The following SLCO1B1 variants were observed in gnomAD, a reference collection of about 807,000 sequenced individuals.
The protein encoded by SLCO1B1 is solute carrier organic anion transporter family member 1B1.
In SLCO1B1, 81 loss-of-function variants were observed where a neutral mutation model predicts 70.1. The ratio of observed to expected loss-of-function variants is 1.16; its 90% confidence interval spans 0.97 to 1.39. The LOEUF is 1.39. Ranked by LOEUF, SLCO1B1 falls within the 40% of genes most tolerant of loss-of-function variation. The probability of loss-of-function intolerance (pLI) is 0.00; values close to 1 mark genes in which losing one functional copy is unlikely to be tolerated. For missense variants in SLCO1B1, 895 were observed against 799.6 expected (o/e 1.12, Z -1.44); for synonymous variants, 283 against 271.5 (o/e 1.04, Z -0.42).
chr12:21,157,696 G>A (rs1940559959), intron 2 of SLCO1B1, among the ~76,000 whole-genome samples: 1 of 150,864 alleles, frequency 6.6e-6, no homozygotes, highest in Non-Finnish European at 1.5e-5. Context: ...CTGCCTCCCA[G>A]GTTCACGCCA....
In SLCO1B1 at chr12:21,174,720, A is replaced by AG. The variant is rs773775323; in HGVS notation, c.359+11_359+12insG. 11 of 1,512,050 alleles carry AG rather than the reference A, an allele frequency of 7.3e-6. No individual in the cohort carries two copies. The Admixed American group carries it at 1.7e-4, about 24-fold the overall frequency. 93.7% of individuals were successfully genotyped at this position (1,512,050 alleles called of 1,614,324 possible). A position where few individuals can be genotyped will look rare whatever the true frequency, so the allele number is the denominator to read the frequency against. On this transcript the variant is annotated intron_variant, in intron 4 of 14. Coordinates refer to ENST00000256958, the MANE Select transcript of SLCO1B1 (RefSeq NM_006446.5). ...TTTCTTCATGGGATAGTAAGTGTTA[A>AG]AAAAAAAAAAAACCTCTGTGCCACT...
At chr12:21,194,056 G>T (rs1005934018) in intron 7 of SLCO1B1, among the ~76,000 whole-genome samples, 1 of 152,186 alleles carries the variant, frequency 6.6e-6, no homozygotes, top group Non-Finnish European at 1.5e-5. Context: ...CTCCCAAAGT[G>T]CTGGGATTAC....
At chr12:21,154,814 A>G (rs1467780983) in intron 2 of SLCO1B1, among the ~76,000 whole-genome samples, 1 of 152,100 alleles carries the variant, frequency 6.6e-6, no homozygotes, top group East Asian at 1.9e-4. Context: ...AGTATTTTTG[A>G]GGCCTTATAT....
At chr12:21,193,439 A>G (rs1199976889) in intron 7 of SLCO1B1, among the ~76,000 whole-genome samples, 1 of 152,104 alleles carries the variant, frequency 6.6e-6, no homozygotes, top group Admixed American at 6.5e-5. Flanking sequence ...GTATTTCTCT[A>G]TATTTCTCTT....
At chr12:21,132,429 T>C (rs1455372318) in intron 1 of SLCO1B1, among the ~76,000 whole-genome samples, 1 of 152,222 alleles carries the variant, frequency 6.6e-6, no homozygotes, top group Non-Finnish European at 1.5e-5. Flanking sequence ...CCACAATGGT[T>C]GAACTAGTTT....
intron 2 of SLCO1B1, among the ~76,000 whole-genome samples, chr12:21,155,384 T>TTTTGTTCTTA (rs1940529882): frequency 6.6e-6 from 1 of 152,126 alleles, no homozygotes; most frequent in Non-Finnish European, 1.5e-5. Context: ...ACTTGTTCTT[T>TTTTGTTCTTA]TTTGTTATCT....
At chr12:21,193,344 A>G (rs1230086060) in intron 7 of SLCO1B1, among the ~76,000 whole-genome samples, 1 of 152,188 alleles carries the variant, frequency 6.6e-6, no homozygotes, top group Non-Finnish European at 1.5e-5. Context: ...ACTATTTTAT[A>G]TAAGAGACTG....
At chr12:21,175,539 C>A (rs777366390) in intron 4 of SLCO1B1, among the ~76,000 whole-genome samples, 2 of 152,098 alleles carry the variant, frequency 1.3e-5, no homozygotes, top group East Asian at 1.9e-4. Flanking sequence ...AGACAATGAG[C>A]AGTTTCTGTT....
chr12:21,171,056 T>G (rs938720299), intron 2 of SLCO1B1, among the ~76,000 whole-genome samples: 1 of 152,218 alleles, frequency 6.6e-6, no homozygotes, highest in Non-Finnish European at 1.5e-5. Flanking sequence ...TATTCTGCTG[T>G]GGCAATATAA....
intron 10 of SLCO1B1, 144 bp from the exon 11 acceptor site, chr12:21,205,724 A>C: frequency 1.6e-6 from 1 of 624,412 alleles, no homozygotes; most frequent in Non-Finnish European, 2.7e-6. Context: ...TCATCAAAGC[A>C]AATTTCTTCA....
In SLCO1B1 at chr12:21,216,763, T is replaced by C. The variant is rs144568500; in HGVS notation, c.1498-356T>C. ...GCATGTCTCTGAAACTTAGAGATTG[T>C]CCAAAAGAGTATGTGCTCTGCAGAG... On this transcript the variant is annotated intron_variant, in intron 11 of 14. Coordinates refer to ENST00000256958, the MANE Select transcript of SLCO1B1 (RefSeq NM_006446.5). Among the ~76,000 whole-genome samples, 5 of 152,258 alleles carry C rather than the reference T, an allele frequency of 3.3e-5. No homozygotes were observed. The East Asian group carries it at 9.6e-4, about 29-fold the overall frequency.
chr12:21,132,222 A>T lies in SLCO1B1; in HGVS notation c.-62+986A>T, dbSNP rs567698869. 9.2e-5 allele frequency among the ~76,000 whole-genome samples: 14 copies of T among 152,230 alleles called. 1 individual carries two copies. The highest frequency in any genetic ancestry group is 3.3e-4 in the Admixed American group (5 of 15,294). The stretch of plus-strand genomic sequence containing the variant: ...GGTGTATGTGTGCCACATTTTCTTA[A>T]TCCACTCTATCGTTGTTGGACATTT... On this transcript the variant is annotated intron_variant, in intron 1 of 14. Transcript: ENST00000256958.
At chr12:21,221,227 A>C (rs1941420052) in intron 12 of SLCO1B1, among the ~76,000 whole-genome samples, 1 of 152,200 alleles carries the variant, frequency 6.6e-6, no homozygotes, top group Non-Finnish European at 1.5e-5. Context: ...AAAAAAGTTG[A>C]AAGCATTCTC....
intron 11 of SLCO1B1, among the ~76,000 whole-genome samples, chr12:21,210,784 T>C (rs1043947489): frequency 6.0e-5 from 9 of 150,910 alleles, no homozygotes; most frequent in Non-Finnish European, 1.0e-4. Context: ...ACATCGCTTG[T>C]AAGTTGGATT....
chr12:21,215,603 A>G (rs1341005089), intron 11 of SLCO1B1, among the ~76,000 whole-genome samples: 1 of 152,068 alleles, frequency 6.6e-6, no homozygotes, highest in Non-Finnish European at 1.5e-5. Flanking sequence ...GGAATTTTGC[A>G]CCTATATGCA....
chr12:21,226,916 GA>G (rs902280623), intron 14 of SLCO1B1, among the ~76,000 whole-genome samples: 8 of 151,768 alleles, frequency 5.3e-5, no homozygotes, highest in African/African-American at 1.9e-4. Flanking sequence ...ATCTCCCAAA[GA>G]AAAAATCACG....
chr12:21,190,761 A>G (rs1166403060), intron 7 of SLCO1B1, among the ~76,000 whole-genome samples: 1 of 152,118 alleles, frequency 6.6e-6, no homozygotes, highest in East Asian at 1.9e-4. Flanking sequence ...ATAAGTGAGA[A>G]CATACAGTAT....
intron 7 of SLCO1B1, among the ~76,000 whole-genome samples, chr12:21,180,654 G>T (rs1420038163): frequency 6.6e-6 from 1 of 152,110 alleles, no homozygotes; most frequent in Non-Finnish European, 1.5e-5. Flanking sequence ...ACTTGAAAGT[G>T]TTTGCTAATC....
chr12:21,153,360 T>C (rs1267270871), intron 2 of SLCO1B1, among the ~76,000 whole-genome samples: 2 of 152,172 alleles, frequency 1.3e-5, no homozygotes, highest in African/African-American at 2.4e-5. Context: ...ATATACAAGT[T>C]ATTTTAAAAT....
Sources: allele counts gnomAD v4.1 joint callset (sites outside exome capture counted in the v4.1 genomes callset), GRCh38; gene constraint gnomAD v4.1.1; transcripts MANE v1.5; gene names NCBI Gene and HGNC (gene_info 2026-07-23, HGNC 2026-07-21).